PA2G4: variants seen among roughly 807,000 people sequenced by gnomAD.
The protein encoded by PA2G4 is proliferation-associated protein 2G4.
In PA2G4, 8 loss-of-function variants were observed where a neutral mutation model predicts 53.3. That is an observed-to-expected ratio of 0.15 (90% CI 0.09 to 0.27). The LOEUF (loss-of-function observed/expected upper bound fraction) is 0.27, where lower values mean the gene tolerates loss of function less well. PA2G4 is among the 10% of genes least tolerant of loss of function. The pLI is 1.00. For synonymous variants in PA2G4, 143 were observed against 169.8 expected, an observed-to-expected ratio of 0.84 and a Z score of 1.23; for missense variants, 208 against 486.8, an observed-to-expected ratio of 0.43 and a Z score of 5.39.
At position 56,111,318 on chromosome 12, in the gene PA2G4, G is replaced by A. The variant is rs1869417636; in HGVS notation, c.1065+9G>A. The stretch of plus-strand genomic sequence containing the variant: ...AGGATGCAGAGCTAAAGGTTAGTAT[G>A]GAATAGAAGGTGGTGAGTATGTACA... On this transcript the variant is annotated intron_variant, in intron 11 of 12. Transcript: ENST00000303305. 6.2e-7 allele frequency: 1 copy of A among 1,614,116 alleles called. No individual in the cohort carries two copies. The highest frequency in any genetic ancestry group is 8.5e-7 in the Non-Finnish European group (1 of 1,180,024).
Position 56,106,397 on chromosome 12 carries a change from A to G in PA2G4, c.89-191A>G, listed in dbSNP as rs567994361. The G allele has an allele frequency of 4.5e-5, 22 of 486,170 alleles. 1 individual carries two copies. In the South Asian group the frequency reaches 1.4e-3, roughly 30 times the overall value. The allele number at this position is 486,170 out of a possible 1,614,324, so 30.1% of individuals were successfully genotyped here. ...CTTTGGAAAGTCTGAGGCCTTGCCT[A>G]GGGAGATGGATTGTATATACCCAGT... On this transcript the variant is annotated intron_variant, in intron 1 of 12. Coordinates refer to ENST00000303305, the MANE Select transcript of PA2G4 (RefSeq NM_006191.3).
At chr12:56,112,758 G>A in intron 12 of PA2G4, 65 bp from the exon 13 acceptor site, 2 of 1,114,238 alleles carry the variant, frequency 1.8e-6, no homozygotes, top group Non-Finnish European at 2.7e-6. Context: ...TTTATCTCTG[G>A]TCCCAGACAT....
In PA2G4 at chr12:56,113,725, A is replaced by G. The variant is rs1259962373; in HGVS notation, c.*837A>G. 1.1e-5 allele frequency: 7 copies of G among 650,874 alleles called. No individual in the cohort carries two copies. The highest frequency in any genetic ancestry group is 2.4e-5 in the Admixed American group (1 of 41,306). 40.3% of individuals were successfully genotyped at this position (650,874 alleles called of 1,614,324 possible). A position where few individuals can be genotyped will look rare whatever the true frequency, so the allele number is the denominator to read the frequency against. On this transcript the variant is annotated 3_prime_UTR_variant, in exon 13 of 13. Coordinates refer to ENST00000303305, the MANE Select transcript of PA2G4 (RefSeq NM_006191.3). ...CCAGAGGCGTAGACTGACTGAAGAC[A>G]CAACTCCTGGCTTTCTGAAGCTATG...
Position 56,111,248 on chromosome 12 carries a change from G to A in PA2G4, c.1004G>A (p.Ser335Asn), listed in dbSNP as rs371016159. The A allele has an allele frequency of 2.8e-5, 45 of 1,614,006 alleles. No homozygotes were observed. The highest frequency in any genetic ancestry group is 3.6e-5 in the Non-Finnish European group (43 of 1,180,022). Residue 335 changes from serine to asparagine, a missense_variant, in exon 11 of 13, where the codon AGT becomes AAT. Around this residue, in one of 3 missense-constraint regions of PA2G4, gnomAD observed 50 missense variants for 82.3 expected, o/e 0.61. Coordinates refer to ENST00000303305, the MANE Select transcript of PA2G4 (RefSeq NM_006191.3). ...CCCAATGGCCCCATGCGGATAACCA[G>A]TGGTCCCTTCGAGCCTGACCTCTAC... Reference protein sequence around the residue: ...LMPNGPMRITSGPFEPDLYKS... With the variant: ...LMPNGPMRITNGPFEPDLYKS...
chr12:56,108,332 C>T (rs1869342972), intron 5 of PA2G4, among the ~76,000 whole-genome samples: 1 of 152,196 alleles, frequency 6.6e-6, no homozygotes. Flanking sequence ...GTTTCCTTGT[C>T]TTCTAGATTG....
chr12:56,104,918 C>T, intron 1 of PA2G4, 93 bp downstream of exon 1: 1 of 1,115,960 alleles, frequency 9.0e-7, no homozygotes, highest in Non-Finnish European at 1.4e-6. Flanking sequence ...GTCATGCGGA[C>T]TGAGCTACTG....
chr12:56,110,534 A>G (rs372807113), intron 8 of PA2G4, 25 bp from the exon 9 acceptor site: 13 of 1,614,096 alleles, frequency 8.1e-6, no homozygotes, highest in South Asian at 4.4e-5. Flanking sequence ...CACCAGACCA[A>G]ATGTTACTTA....
intron 5 of PA2G4, 30 bp downstream of exon 5, chr12:56,107,643 G>A (rs372939818): frequency 9.9e-6 from 15 of 1,521,194 alleles, no homozygotes; most frequent in East Asian, 4.5e-5. Context: ...TCCAAAGCTC[G>A]TTTGAACCAA....
At chr12:56,112,706 G>A in intron 12 of PA2G4, 117 bp from the exon 13 acceptor site, 1 of 719,700 alleles carries the variant, frequency 1.4e-6, no homozygotes, top group South Asian at 1.7e-5. Flanking sequence ...CTGCACTCCA[G>A]CCTGGAAAAC....
intron 12 of PA2G4, 29 bp downstream of exon 12, chr12:56,111,558 G>C (rs751193739): frequency 6.2e-7 from 1 of 1,601,152 alleles, no homozygotes; most frequent in South Asian, 1.1e-5. Flanking sequence ...TTCCTCTCTG[G>C]CAGGGTGAAC....
Position 56,105,911 on chromosome 12 carries a change from G to T in PA2G4, c.89-677G>T, listed in dbSNP as rs559529688. Among the ~76,000 whole-genome samples the T allele has an allele frequency of 1.2e-4, 19 of 152,268 alleles. No homozygotes were observed. In the South Asian group the frequency reaches 3.9e-3, roughly 31 times the overall value. On this transcript the variant is annotated intron_variant, in intron 1 of 12. Transcript: ENST00000303305. ...AATCTGAGTTTTACCAGCTTTCAAA[G>T]AATCACCAAAACTGAGATACCAAAA... is the stretch of plus-strand genomic sequence containing the variant.
In PA2G4 at chr12:56,107,576, C is replaced by G; in HGVS notation, c.449C>G (p.Ala150Gly). The G allele has an allele frequency of 6.2e-7, 1 of 1,613,730 alleles. No homozygotes were observed. Among genetic ancestry groups the G allele is most frequent in the Non-Finnish European group, 8.5e-7 (1 of 1,179,636 alleles). The change falls in exon 5 of 13, where the codon GCT (alanine) becomes GGT (glycine). Residue 150 changes from alanine (A) to glycine (G), a missense_variant. Ala to Gly is a moderately conservative substitution (Grantham distance 60). Around this residue, in one of 3 missense-constraint regions of PA2G4, gnomAD observed 143 missense variants for 386.8 expected, o/e 0.37. Transcript: ENST00000303305. ...GTTATTAAGGCAGCTCACCTTTGTG[C>G]TGAAGCTGCCCTACGCCTGGTCAAA... is the stretch of plus-strand genomic sequence containing the variant. Reference protein sequence around the residue: ...ADVIKAAHLCAEAALRLVKPG... With the variant: ...ADVIKAAHLCGEAALRLVKPG...
Position 56,104,675 on chromosome 12 carries a change from G to C in PA2G4, c.-63G>C. The C allele has an allele frequency of 1.4e-6, 2 of 1,420,898 alleles. No individual in the cohort carries two copies. Among genetic ancestry groups the C allele is most frequent in the Non-Finnish European group, 2.0e-6 (2 of 1,003,804 alleles). 88.0% of individuals were successfully genotyped at this position (1,420,898 alleles called of 1,614,324 possible). A position where few individuals can be genotyped will look rare whatever the true frequency, so the allele number is the denominator to read the frequency against. ...GGACTCTGACCACAGCCTGTGGCTG[G>C]GAAGGGAGACAGAGGCGGCGGCGGC... On this transcript the variant is annotated 5_prime_UTR_variant, in exon 1 of 13. Coordinates refer to ENST00000303305, the MANE Select transcript of PA2G4 (RefSeq NM_006191.3).
intron 11 of PA2G4, 32 bp from the exon 12 acceptor site, chr12:56,111,444 C>G (rs370824146): frequency 1.7e-5 from 27 of 1,611,976 alleles, no homozygotes; most frequent in Non-Finnish European, 2.2e-5. Context: ...CCACATTTCT[C>G]AAAATTTTTT....
chr12:56,108,996 C>T (rs1269455111), intron 5 of PA2G4, among the ~76,000 whole-genome samples: 1 of 151,010 alleles, frequency 6.6e-6, no homozygotes. Context: ...CGTGGTGTTG[C>T]GTGCCTGTAA....
chr12:56,104,812 C>T lies in PA2G4; in HGVS notation c.75C>T (p.Gly25=), dbSNP rs1869256160. 1.9e-6 allele frequency: 3 copies of T among 1,613,286 alleles called. No homozygotes were observed. The highest frequency in any genetic ancestry group is 2.7e-5 in the African/African-American group (2 of 74,882). ...DLVVTKYKMG[G]DIANRVLRSL... ...TCGTGACCAAGTATAAGATGGGGGGCGACATCGCCAACAGTGAGTGCGGCC... is the reference window on the plus strand; with the variant it reads ...TCGTGACCAAGTATAAGATGGGGGGTGACATCGCCAACAGTGAGTGCGGCC... The change falls in exon 1 of 13, where the codon GGC becomes GGT. Residue 25 remains glycine (G), a synonymous_variant. Transcript: ENST00000303305.
At position 56,104,973 on chromosome 12, in the gene PA2G4, C is replaced by T. The variant is rs530825672; in HGVS notation, c.88+148C>T. 162 of 789,156 alleles carry T rather than the reference C, an allele frequency of 2.1e-4. No individual in the cohort carries two copies. The African/African-American group carries it at 2.4e-3, about 12-fold the overall frequency. 48.9% of individuals were successfully genotyped at this position (789,156 alleles called of 1,614,324 possible). A position where few individuals can be genotyped will look rare whatever the true frequency, so the allele number is the denominator to read the frequency against. On this transcript the variant is annotated intron_variant, in intron 1 of 12. Transcript: ENST00000303305. Reference sequence around the variant, plus strand: ...CTGGGCACGGCGTGGTGGGAAGACCCGGTGTCGCGCCTGGGACCTGAGCGG... The same window carrying T: ...CTGGGCACGGCGTGGTGGGAAGACCTGGTGTCGCGCCTGGGACCTGAGCGG...
rs1196581214 is a variant in PA2G4 at position 56,105,067 on chromosome 12, GCAGGCTCCGA to G, written c.88+244_88+253del. The G allele has an allele frequency of 7.2e-6, 5 of 695,694 alleles. No homozygotes were observed. The East Asian group carries it at 1.4e-4, about 19-fold the overall frequency. The allele number at this position is 695,694 out of a possible 1,614,324, so 43.1% of individuals were successfully genotyped here. On this transcript the variant is annotated intron_variant, in intron 1 of 12. Transcript: ENST00000303305. ...GGATGAGCGCAGAGAGGGGACCCTG[GCAGGCTCCGA>G]CCCGAGGCCGTTTGTTAGGAGGCAA...
chr12:56,110,507 G>A, intron 8 of PA2G4, 30 bp downstream of exon 8: 1 of 1,613,780 alleles, frequency 6.2e-7, no homozygotes. Context: ...TGGCAAAGAG[G>A]GGTGACTGAG....
Sources: gnomAD v4.1 joint callset for allele counts (sites outside exome capture counted in the v4.1 genomes callset) on GRCh38, gnomAD v4.1.1 for gene constraint, gnomAD v4.1.1 regional missense constraint, MANE v1.5 for transcripts, NCBI Gene and HGNC (gene_info 2026-07-23, HGNC 2026-07-21) for gene names.